Variants in CAST observed in about 807,000 individuals in gnomAD.
CAST encodes the protein calpastatin, also known as MIR583 host.
A neutral mutation model predicts 119.6 loss-of-function variants in CAST; 76 were observed. The ratio of observed to expected loss-of-function variants is 0.64; its 90% confidence interval spans 0.53 to 0.77. The LOEUF is 0.77. CAST is among the 30% of genes least tolerant of loss of function. The pLI, the probability that CAST is intolerant of heterozygous loss-of-function variation, is 0.00. For synonymous variants in CAST, 319 were observed against 331.6 expected (o/e 0.96, Z 0.41); for missense variants, 953 against 946.5 (o/e 1.01, Z -0.09).
At chr5:96,452,133 A>G in the CAST span, among the ~76,000 whole-genome samples, 3 of 152,220 alleles carry the variant, frequency 2.0e-5, no homozygotes, top group African/African-American at 7.2e-5. Context: ...CAGCAATCCC[A>G]TTACTGAGTA....
At chr5:96,135,922 G>A in the CAST span, among the ~76,000 whole-genome samples, 336 of 152,116 alleles carry the variant, frequency 2.2e-3, no homozygotes, top group African/African-American at 3.6e-3. Flanking sequence ...TTACCTGAGC[G>A]TAGTGGCACA....
chr5:96,255,808 A>G, the CAST span, among the ~76,000 whole-genome samples: 5 of 152,180 alleles, frequency 3.3e-5, no homozygotes, highest in Non-Finnish European at 7.3e-5. Flanking sequence ...ATATAAGCCC[A>G]TAATTAAGGC....
chr5:96,237,984 TTAAA>T, the CAST span, among the ~76,000 whole-genome samples: 1 of 152,086 alleles, frequency 6.6e-6, no homozygotes, highest in Non-Finnish European at 1.5e-5. Flanking sequence ...TATTTGTTGA[TTAAA>T]TAATGAAAGA....
upstream of CAST, among the ~76,000 whole-genome samples, chr5:96,659,723 T>C (rs919132746): frequency 2.6e-5 from 4 of 151,962 alleles, no homozygotes; most frequent in African/African-American, 9.7e-5. Context: ...AGAGACGGGG[T>C]TTCGTCGTGT....
At chr5:96,384,847 G>A in the CAST span, among the ~76,000 whole-genome samples, 1 of 152,178 alleles carries the variant, frequency 6.6e-6, no homozygotes, top group Non-Finnish European at 1.5e-5. Flanking sequence ...CTTAGTACAC[G>A]CTAGTATATA....
At chr5:96,568,061 G>A (rs1409786510) in intron 1 of CAST, among the ~76,000 whole-genome samples, 2 of 152,126 alleles carry the variant, frequency 1.3e-5, no homozygotes, top group African/African-American at 4.8e-5. Flanking sequence ...TCATCTAAAA[G>A]GGTACTTTTT....
At chr5:96,451,239 A>G in the CAST span, among the ~76,000 whole-genome samples, 1 of 152,230 alleles carries the variant, frequency 6.6e-6, no homozygotes, top group African/African-American at 2.4e-5. Context: ...TACTTCCAAG[A>G]ATCTAACCCA....
At chr5:96,148,260 A>G in the CAST span, among the ~76,000 whole-genome samples, 1 of 152,160 alleles carries the variant, frequency 6.6e-6, no homozygotes, top group African/African-American at 2.4e-5. Context: ...GGCTTAATCA[A>G]CACCTCTGAT....
chr5:96,072,514 T>A, the CAST span, among the ~76,000 whole-genome samples: 1 of 152,190 alleles, frequency 6.6e-6, no homozygotes, highest in African/African-American at 2.4e-5. Flanking sequence ...AGATGTAAAC[T>A]GCCCATGAAA....
chr5:96,449,286 C>T, the CAST span, among the ~76,000 whole-genome samples: 1 of 152,252 alleles, frequency 6.6e-6, no homozygotes, highest in South Asian at 2.1e-4. Flanking sequence ...CAGTAAAGGT[C>T]CGTGACCTGT....
chr5:96,239,914 C>A, the CAST span, among the ~76,000 whole-genome samples: 18 of 151,774 alleles, frequency 1.2e-4, no homozygotes, highest in Non-Finnish European at 5.9e-5. Context: ...TTCTTACCTG[C>A]CCTTTTCTTT....
intron 19 of CAST, among the ~76,000 whole-genome samples, chr5:96,749,955 A>G (rs534667512): frequency 1.3e-5 from 2 of 152,100 alleles, no homozygotes; most frequent in East Asian, 3.9e-4. Flanking sequence ...GCTAGACTCT[A>G]CCCCCAAAGT....
At chr5:96,225,463 CATAG>C in the CAST span, among the ~76,000 whole-genome samples, 5 of 151,996 alleles carry the variant, frequency 3.3e-5, no homozygotes, top group African/African-American at 9.7e-5. Context: ...ACACAAAGAT[CATAG>C]ATAGAAAAGA....
intron 3 of CAST, among the ~76,000 whole-genome samples, chr5:96,700,366 T>C (rs1377270146): frequency 6.6e-6 from 1 of 152,218 alleles, no homozygotes; most frequent in East Asian, 1.9e-4. Flanking sequence ...AAACATAATA[T>C]ATCTATGGCA....
At chr5:96,619,098 G>A (rs1747534715) in intron 1 of CAST, among the ~76,000 whole-genome samples, 1 of 151,976 alleles carries the variant, frequency 6.6e-6, no homozygotes, top group Non-Finnish European at 1.5e-5. Flanking sequence ...ATCTAGTGTG[G>A]ACTTGGAGAA....
At chr5:96,662,332 C>T (rs1748638742), upstream of CAST, 2 of 1,075,978 alleles carry the variant, frequency 1.9e-6, no homozygotes, top group Non-Finnish European at 2.4e-6. Context: ...TCCCTCCCTC[C>T]CTCCCTCTCT....
chr5:96,517,793 C>T, the CAST span, among the ~76,000 whole-genome samples: 1 of 152,204 alleles, frequency 6.6e-6, no homozygotes, highest in Non-Finnish European at 1.5e-5. Flanking sequence ...CATTCATTCA[C>T]ATTGGCATCT....
the CAST span, among the ~76,000 whole-genome samples, chr5:96,332,267 A>G: frequency 6.6e-6 from 1 of 152,198 alleles, no homozygotes; most frequent in African/African-American, 2.4e-5. Context: ...TTTTTCCTTC[A>G]GGCTCATGGT....
chr5:96,450,315 A>G, the CAST span, among the ~76,000 whole-genome samples: 9 of 152,364 alleles, frequency 5.9e-5, no homozygotes, highest in Middle Eastern at 3.4e-3. Flanking sequence ...ACTGGACATC[A>G]TTGTTCTTAG....
Sources: allele counts gnomAD v4.1 joint callset (sites outside exome capture counted in the v4.1 genomes callset), GRCh38; gene constraint gnomAD v4.1.1; transcripts MANE v1.5; gene names NCBI Gene and HGNC (gene_info 2026-07-23, HGNC 2026-07-21).